ANKZF1: variants seen among roughly 807,000 people sequenced by gnomAD.
The protein encoded by ANKZF1 is tRNA endonuclease ANKZF1.
In ANKZF1, 84 loss-of-function variants were observed where a neutral mutation model predicts 86.0. The ratio of observed to expected loss-of-function variants is 0.98; its 90% CI spans 0.82 to 1.17. ANKZF1 has a LOEUF of 1.17. ANKZF1 is among the 50% of genes most tolerant of loss of function. ANKZF1 has a pLI of 0.00. For missense variants in ANKZF1, 893 were observed against 918.4 expected, an observed-to-expected ratio of 0.97 and a Z score of 0.36; for synonymous variants, 331 against 354.2, an observed-to-expected ratio of 0.93 and a Z score of 0.74.
chr2:219,231,652 C>A (rs1951040776), intron 2 of ANKZF1: 2 of 331,120 alleles, frequency 6.0e-6, no homozygotes, highest in Non-Finnish European at 1.1e-5. Context: ...CCTTGGCCTC[C>A]CAAAGTGCTG....
In ANKZF1 at chr2:219,232,253, G is replaced by A. The variant is rs768019826; in HGVS notation, c.262-7G>A. On this transcript the variant is annotated splice_region_variant and splice_polypyrimidine_tract_variant and intron_variant, in intron 3 of 13. Coordinates refer to ENST00000323348, the MANE Select transcript of ANKZF1 (RefSeq NM_018089.3). Reference sequence around the variant, plus strand: ...CACCTTTATCTCACTCTTTGTCTTTGTACTAGAGGGAACATTATAAGCTTG... The same window carrying A: ...CACCTTTATCTCACTCTTTGTCTTTATACTAGAGGGAACATTATAAGCTTG... 6.2e-7 allele frequency: 1 copy of A among 1,613,490 alleles called. No homozygotes were observed. Among genetic ancestry groups the A allele is most frequent in the South Asian group, 1.1e-5 (1 of 91,066 alleles).
intron 3 of ANKZF1, 21 bp downstream of exon 3, chr2:219,232,061 C>T: frequency 1.3e-6 from 2 of 1,576,630 alleles, no homozygotes; most frequent in Non-Finnish European, 1.7e-6. Context: ...AGGTGCAGAG[C>T]TAGATGTTAG....
intron 5 of ANKZF1, 183 bp downstream of exon 5, chr2:219,232,866 T>G (rs1451187801): frequency 1.2e-6 from 1 of 856,946 alleles, no homozygotes; most frequent in Non-Finnish European, 1.8e-6. Context: ...TGTAATGGAA[T>G]TAAGTTTGGA....
At chr2:219,234,693 C>A in intron 9 of ANKZF1, 133 bp from the exon 10 acceptor site, 1 of 1,209,724 alleles carries the variant, frequency 8.3e-7, no homozygotes, top group Non-Finnish European at 1.2e-6. Flanking sequence ...ATAATGGACT[C>A]AGCTCTTGAT....
intron 1 of ANKZF1, 71 bp from the exon 2 acceptor site, chr2:219,230,157 A>C (rs1950985511): frequency 7.2e-7 from 1 of 1,384,190 alleles, no homozygotes; most frequent in East Asian, 2.5e-5. Flanking sequence ...AAACCAAGTC[A>C]GGCAGGCAGG....
intron 2 of ANKZF1, chr2:219,231,183 T>C (rs1951022753): frequency 6.5e-6 from 1 of 153,500 alleles, no homozygotes; most frequent in African/African-American, 2.4e-5. Context: ...GAACAGAAAT[T>C]ATTTTCTTTA....
intron 10 of ANKZF1, 63 bp downstream of exon 10, chr2:219,235,375 T>G (rs1425746079): frequency 1.6e-5 from 25 of 1,595,742 alleles, no homozygotes; most frequent in Non-Finnish European, 2.1e-5. Context: ...GAGGTTAAAG[T>G]TGGCATTGGC....
chr2:219,230,193 C>T (rs1222396367), intron 1 of ANKZF1, 35 bp from the exon 2 acceptor site: 12 of 1,566,378 alleles, frequency 7.7e-6, no homozygotes, highest in Non-Finnish European at 9.6e-6. Flanking sequence ...ATCTCGTTTG[C>T]AGGAGCCCTG....
Position 219,236,062 on chromosome 2 carries a change from C to T in ANKZF1, c.2024C>T (p.Ser675Phe). Residue 675 changes from serine to phenylalanine, a missense_variant, in exon 13 of 14, where the codon TCT (serine) becomes TTT (phenylalanine). Ser to Phe is a radical substitution (Grantham distance 155). Coordinates refer to ENST00000323348, the MANE Select transcript of ANKZF1 (RefSeq NM_018089.3). ...GCTGCCCAGTTGGGAGCCCCTACCTCTCCAATCCCTGACTCTGCAATCGTC... is the reference window on the plus strand; with the variant it reads ...GCTGCCCAGTTGGGAGCCCCTACCTTTCCAATCCCTGACTCTGCAATCGTC... ...RLAAQLGAPTSPIPDSAIVNT... is the reference protein window; with the variant it reads ...RLAAQLGAPTFPIPDSAIVNT... 6.2e-7 allele frequency: 1 copy of T among 1,614,238 alleles called. No homozygotes were observed. Among genetic ancestry groups the T allele is most frequent in the Non-Finnish European group, 8.5e-7 (1 of 1,180,044 alleles).
Position 219,236,341 on chromosome 2 carries a change from G to C in ANKZF1, c.2077G>C (p.Ala693Pro). ...GTTCAGACGCTGCTGGAGTTGTGGGGCATCCCTCCAAGGCCTGACTCCCTT... is the reference window on the plus strand; with the variant it reads ...GTTCAGACGCTGCTGGAGTTGTGGGCCATCCCTCCAAGGCCTGACTCCCTT... Reference protein sequence around the residue: ...VNTRRCWSCGASLQGLTPFHY... With the variant: ...VNTRRCWSCGPSLQGLTPFHY... Residue 693 changes from alanine (A) to proline (P), a missense_variant, in exon 14 of 14, where the codon GCA becomes CCA. Coordinates refer to ENST00000323348, the MANE Select transcript of ANKZF1 (RefSeq NM_018089.3). The C allele has an allele frequency of 6.2e-7, 1 of 1,614,072 alleles. No homozygotes were observed. The highest frequency in any genetic ancestry group is 8.5e-7 in the Non-Finnish European group (1 of 1,180,028).
intron 5 of ANKZF1, 45 bp from the exon 6 acceptor site, chr2:219,233,034 C>A: frequency 6.4e-7 from 1 of 1,558,650 alleles, no homozygotes; most frequent in South Asian, 1.1e-5. Context: ...TTCTTGCTCT[C>A]AGTGAATGCA....
In ANKZF1 at chr2:219,234,184, A is replaced by T. The variant is rs774244687; in HGVS notation, c.1100A>T (p.Lys367Ile). 1.6e-5 allele frequency: 26 copies of T among 1,614,018 alleles called. No individual in the cohort carries two copies. The highest frequency in any genetic ancestry group is 2.2e-5 in the Non-Finnish European group (26 of 1,180,032). ...CTGCACTCACCTCAGACACACTGGA[A>T]AACAGTAAGAGAGGAGAGAAAGAAG... ...VRLHSPQTHW[K>I]TVREERKKPT... Residue 367 changes from lysine (K) to isoleucine (I), a missense_variant, in exon 9 of 14, where the codon AAA becomes ATA. Physicochemically the swap from Lys to Ile is moderately radical, Grantham distance 102. Transcript: ENST00000323348.
chr2:219,233,407 C>T lies in ANKZF1; in HGVS notation c.793C>T (p.Arg265Cys), dbSNP rs373512501. Reference sequence around the variant, plus strand: ...ACACTCTGCTGGAGCCAACCTGAGGCGCTACAATGAAGCCACACTATATAA... The same window carrying T: ...ACACTCTGCTGGAGCCAACCTGAGGTGCTACAATGAAGCCACACTATATAA... Reference protein sequence around the residue: ...PSHSAGANLRRYNEATLYKDV... With the variant: ...PSHSAGANLRCYNEATLYKDV... The change falls in exon 7 of 14, where the codon CGC becomes TGC. Residue 265 changes from arginine to cysteine, a missense_variant. Transcript: ENST00000323348. 27 of 1,613,624 alleles carry T rather than the reference C, an allele frequency of 1.7e-5. No individual in the cohort carries two copies. In the African/African-American group the frequency reaches 1.9e-4, roughly 11 times the overall value.
rs778316061 is a variant in ANKZF1 at position 219,232,332 on chromosome 2, G to A, written c.334G>A (p.Ala112Thr). 3 of 1,614,226 alleles carry A rather than the reference G, an allele frequency of 1.9e-6. No individual in the cohort carries two copies. The East Asian group carries it at 6.7e-5, about 36-fold the overall frequency. Residue 112 changes from alanine (A) to threonine (T), a missense_variant, in exon 4 of 14, where the codon GCC becomes ACC. Transcript: ENST00000323348. Reference sequence around the variant, plus strand: ...TCTCAAGGACAAGCCTCTCCTGTCTGCCCTGGACTTTGAAAAGCAGAGCTC... The same window carrying A: ...TCTCAAGGACAAGCCTCTCCTGTCTACCCTGGACTTTGAAAAGCAGAGCTC... ...QRLKDKPLLS[A>T]LDFEKQSSTG...
intron 1 of ANKZF1, 91 bp from the exon 2 acceptor site, chr2:219,230,137 G>A (rs1316697479): frequency 3.7e-6 from 4 of 1,081,532 alleles, no homozygotes; most frequent in Non-Finnish European, 2.6e-6. Flanking sequence ...GAAGTCTTGC[G>A]GTGCAGGAGA....
chr2:219,233,405 G>A lies in ANKZF1; in HGVS notation c.791G>A (p.Arg264Lys). 6.2e-7 allele frequency: 1 copy of A among 1,613,926 alleles called. No homozygotes were observed. The highest frequency in any genetic ancestry group is 8.5e-7 in the Non-Finnish European group (1 of 1,179,872). Reference protein sequence around the residue: ...GPSHSAGANLRRYNEATLYKD... With the variant: ...GPSHSAGANLKRYNEATLYKD... ...TCACACTCTGCTGGAGCCAACCTGA[G>A]GCGCTACAATGAAGCCACACTATAT... The change falls in exon 7 of 14, where the codon AGG (arginine) becomes AAG (lysine). Residue 264 changes from arginine (R) to lysine (K), a missense_variant. Arg to Lys is a conservative substitution (Grantham distance 26). Transcript: ENST00000323348.
In ANKZF1 at chr2:219,233,080, A is replaced by T; in HGVS notation, c.560A>T (p.Asp187Val). The part of the protein sequence containing the change: ...AYRCVLGPHQ[D>V]PPEEAELLLQ... ...TTCTGATGCTTCTCTGTCATCAAGG[A>T]TCCCCCAGAAGAGGCAGAACTGCTG... The change falls in exon 6 of 14, where the codon GAT becomes GTT. Residue 187 changes from aspartate to valine, a missense_variant and splice_region_variant. Transcript: ENST00000323348. 1 of 1,613,502 alleles carries T rather than the reference A, an allele frequency of 6.2e-7. No individual in the cohort carries two copies. The highest frequency in any genetic ancestry group is 8.5e-7 in the Non-Finnish European group (1 of 1,179,798).
Position 219,235,508 on chromosome 2 carries a change from G to T in ANKZF1, c.1726G>T (p.Ala576Ser). The change falls in exon 11 of 14, where the codon GCT becomes TCT. Residue 576 changes from alanine to serine, a missense_variant. Transcript: ENST00000323348. ...GGCCCGGCCACCTTATACTGTTGCGGCTGACAAATCAACACGTAATGAGTT... is the reference window on the plus strand; with the variant it reads ...GGCCCGGCCACCTTATACTGTTGCGTCTGACAAATCAACACGTAATGAGTT... The part of the protein sequence containing the change: ...SRARPPYTVA[A>S]DKSTRNEFRR... The T allele has an allele frequency of 6.2e-7, 1 of 1,614,040 alleles. No individual in the cohort carries two copies. Among genetic ancestry groups the T allele is most frequent in the Non-Finnish European group, 8.5e-7 (1 of 1,180,022 alleles).
chr2:219,234,628 G>A lies in ANKZF1; in HGVS notation c.1205-198G>A, dbSNP rs1450874898. 9.3e-6 allele frequency: 7 copies of A among 750,536 alleles called. No homozygotes were observed. In the Admixed American group the frequency reaches 1.7e-4, roughly 19 times the overall value. The allele number at this position is 750,536 out of a possible 1,614,324, so 46.5% of individuals were successfully genotyped here. On this transcript the variant is annotated intron_variant, in intron 9 of 13. Transcript: ENST00000323348. ...GCGGCACCCTAAGGCTACTCATACG[G>A]AGAGTCCAGGGACTTGTTCTTGTCT...
Sources: gnomAD v4.1 joint callset for allele counts on GRCh38, gnomAD v4.1.1 for gene constraint, MANE v1.5 for transcripts, NCBI Gene and HGNC (gene_info 2026-07-23, HGNC 2026-07-21) for gene names.